PCBP3: variants seen among roughly 807,000 people sequenced by gnomAD.
The protein encoded by PCBP3 is poly(rC)-binding protein 3.
In PCBP3, 25 loss-of-function variants were observed where a neutral mutation model predicts 52.7. That is an observed-to-expected ratio of 0.47 (90% CI 0.35 to 0.66). The LOEUF is 0.66. Ranked by LOEUF, PCBP3 falls within the 30% of genes least tolerant of loss-of-function variation. PCBP3 has a pLI of 0.01. For synonymous variants in PCBP3, 162 were observed against 183.0 expected (o/e 0.89, Z 0.93); for missense variants, 391 against 490.3 (o/e 0.80, Z 1.91).
At chr21:45,700,040 C>G (rs1457465661) in intron 2 of PCBP3, among the ~76,000 whole-genome samples, 1 of 152,206 alleles carries the variant, frequency 6.6e-6, no homozygotes, top group Non-Finnish European at 1.5e-5. Context: ...TCTCATCTGT[C>G]AGGTTTTCTG....
chr21:45,725,342 G>A (rs1278961536), intron 2 of PCBP3, among the ~76,000 whole-genome samples: 2 of 152,222 alleles, frequency 1.3e-5, no homozygotes, highest in East Asian at 3.8e-4. Context: ...CCTGTGGTAG[G>A]TACAGGGTTT....
intron 5 of PCBP3, among the ~76,000 whole-genome samples, chr21:45,866,865 A>G (rs1306055600): frequency 6.6e-6 from 1 of 152,106 alleles, no homozygotes; most frequent in East Asian, 1.9e-4. Flanking sequence ...TGCGTGTACT[A>G]GGGCGGAGGT....
At chr21:45,794,079 T>C (rs2091785019) in intron 4 of PCBP3, among the ~76,000 whole-genome samples, 1 of 152,204 alleles carries the variant, frequency 6.6e-6, no homozygotes, top group African/African-American at 2.4e-5. Context: ...CTCAAGCATA[T>C]GTATCTGTAT....
rs573210515 is a variant in PCBP3 at position 45,805,407 on chromosome 21, C to G, written c.-125-44554C>G. Among the ~76,000 whole-genome samples, 1 of 152,186 alleles carries G rather than the reference C, an allele frequency of 6.6e-6. No homozygotes were observed. Among genetic ancestry groups the G allele is most frequent in the Admixed American group, 6.5e-5 (1 of 15,304 alleles). ...CCCCCTTGCCCACCTGCCCTGTGTG[C>G]TGGGCCGTGCGGAGGTGGCCATGGG... On this transcript the variant is annotated intron_variant, in intron 4 of 17. Transcript: ENST00000681687. This position sits in a 1 kb window ranked among gnomAD's most constrained non-coding sequence, Gnocchi z 4.6.
chr21:45,931,896 T>C (rs574397837), intron 15 of PCBP3, among the ~76,000 whole-genome samples: 14 of 151,052 alleles, frequency 9.3e-5, no homozygotes, highest in Admixed American at 7.9e-4. Context: ...GGCCATGCTG[T>C]CCTGAGATGA....
At chr21:45,713,370 C>T (rs1433621538) in intron 2 of PCBP3, among the ~76,000 whole-genome samples, 2 of 152,184 alleles carry the variant, frequency 1.3e-5, no homozygotes, top group African/African-American at 2.4e-5. Context: ...CGGGATGAGC[C>T]GCTGGCCTTG....
chr21:45,919,138 A>T (rs199874809), intron 13 of PCBP3: 1 of 17,506 alleles, frequency 5.7e-5, no homozygotes, highest in African/African-American at 1.4e-3. Flanking sequence ...AACGAGAGAC[A>T]GACGGCCCCA....
intron 2 of PCBP3, among the ~76,000 whole-genome samples, chr21:45,710,758 T>C (rs1228280086): frequency 6.6e-6 from 1 of 152,206 alleles, no homozygotes; most frequent in Non-Finnish European, 1.5e-5. Flanking sequence ...GAGGATGGAG[T>C]GTCTGTATAA....
intron 1 of PCBP3, among the ~76,000 whole-genome samples, chr21:45,653,220 C>A (rs901250286): frequency 5.9e-5 from 9 of 152,088 alleles, no homozygotes; most frequent in African/African-American, 1.9e-4. Flanking sequence ...TAATTGGGTT[C>A]AATGTACTAT....
intron 13 of PCBP3, among the ~76,000 whole-genome samples, chr21:45,927,780 T>C (rs745683064): frequency 2.6e-5 from 4 of 152,134 alleles, no homozygotes; most frequent in Admixed American, 6.5e-5. Flanking sequence ...TCCCCCACTT[T>C]ATAGTCAAGG....
intron 9 of PCBP3, 75 bp from the exon 10 acceptor site, chr21:45,909,280 G>T: frequency 6.7e-7 from 1 of 1,495,354 alleles, no homozygotes. Flanking sequence ...GGGAAGTCAG[G>T]ACACACCCCC....
chr21:45,908,729 C>T (rs1340304293), intron 9 of PCBP3, among the ~76,000 whole-genome samples: 2 of 152,190 alleles, frequency 1.3e-5, no homozygotes, highest in Non-Finnish European at 2.9e-5. Context: ...GACAGAAGCC[C>T]TGTCCCCCAC....
chr21:45,652,738 C>T (rs761255267), intron 1 of PCBP3, among the ~76,000 whole-genome samples: 3 of 152,122 alleles, frequency 2.0e-5, no homozygotes, highest in South Asian at 2.1e-4. Flanking sequence ...CCACCACGCC[C>T]GCCCTGATGA....
chr21:45,851,407 G>C (rs1429458954), intron 5 of PCBP3, among the ~76,000 whole-genome samples: 1 of 152,200 alleles, frequency 6.6e-6, no homozygotes, highest in African/African-American at 2.4e-5. Context: ...AGCTACTCGG[G>C]AGGCTGAGGC....
At chr21:45,692,364 A>T (rs898941537) in intron 2 of PCBP3, among the ~76,000 whole-genome samples, 6 of 152,130 alleles carry the variant, frequency 3.9e-5, no homozygotes, top group African/African-American at 1.4e-4. Flanking sequence ...AGATCAACAG[A>T]ATCTATGAGC....
chr21:45,753,419 T>C, intron 3 of PCBP3, among the ~76,000 whole-genome samples: 1 of 152,168 alleles, frequency 6.6e-6, no homozygotes, highest in South Asian at 2.1e-4. Flanking sequence ...TTCTTTCCCC[T>C]TTTTCAGTAT....
At chr21:45,683,365 A>G (rs2081963711) in intron 2 of PCBP3, among the ~76,000 whole-genome samples, 1 of 152,204 alleles carries the variant, frequency 6.6e-6, no homozygotes, top group African/African-American at 2.4e-5. Context: ...ATTGAGGATA[A>G]TGGTGATGCC....
chr21:45,652,165 A>G (rs1310161062), intron 1 of PCBP3, among the ~76,000 whole-genome samples: 6 of 152,194 alleles, frequency 3.9e-5, no homozygotes, highest in African/African-American at 7.2e-5. Context: ...ATTCAGACAG[A>G]ATGGCTGTTC....
At chr21:45,665,566 G>A (rs1053527788) in intron 1 of PCBP3, among the ~76,000 whole-genome samples, 8 of 152,126 alleles carry the variant, frequency 5.3e-5, no homozygotes, top group Non-Finnish European at 8.8e-5. Flanking sequence ...GTTGAACCAG[G>A]AAGAAATTAG....
Sources: allele counts gnomAD v4.1 joint callset (sites outside exome capture counted in the v4.1 genomes callset), GRCh38; gene constraint gnomAD v4.1.1; non-coding constraint Gnocchi (gnomAD v3.1); transcripts MANE v1.5; gene names NCBI Gene and HGNC (gene_info 2026-07-23, HGNC 2026-07-21).